Variants in ST6GALNAC5 observed in about 807,000 individuals in gnomAD.
ST6GALNAC5 encodes ST6 N-acetylgalactosaminide alpha-2,6-sialyltransferase 5, also known as alpha-N-acetylgalactosaminide alpha-2,6-sialyltransferase 5.
A neutral mutation model predicts 33.6 loss-of-function variants in ST6GALNAC5; 27 were observed. That is an observed-to-expected ratio of 0.80 (90% confidence interval 0.59 to 1.11). ST6GALNAC5 has a LOEUF of 1.11. Ranked by LOEUF, ST6GALNAC5 falls within the 50% of genes least tolerant of loss-of-function variation. ST6GALNAC5 has a pLI of 0.00. For synonymous variants in ST6GALNAC5, 194 were observed against 171.2 expected, an observed-to-expected ratio of 1.13 and a Z score of -1.04; for missense variants, 428 against 454.0, an observed-to-expected ratio of 0.94 and a Z score of 0.52.
chr1:77,018,903 G>A (rs1650950491), intron 2 of ST6GALNAC5, among the ~76,000 whole-genome samples: 1 of 152,194 alleles, frequency 6.6e-6, no homozygotes, highest in African/African-American at 2.4e-5. Flanking sequence ...AAGCAAGGAA[G>A]CCACTTAACA....
chr1:76,992,256 A>G (rs1307407090), intron 2 of ST6GALNAC5, among the ~76,000 whole-genome samples: 1 of 152,086 alleles, frequency 6.6e-6, no homozygotes, highest in Non-Finnish European at 1.5e-5. Context: ...TGCTCTAACT[A>G]TCTCCACTGC....
intron 2 of ST6GALNAC5, among the ~76,000 whole-genome samples, chr1:77,010,328 C>G (rs1475699244): frequency 6.6e-6 from 1 of 152,062 alleles, no homozygotes; most frequent in Non-Finnish European, 1.5e-5. Context: ...AACCCCATCT[C>G]TACTAAAAAT....
At chr1:76,950,556 G>A (rs1382811848) in intron 2 of ST6GALNAC5, among the ~76,000 whole-genome samples, 2 of 152,052 alleles carry the variant, frequency 1.3e-5, no homozygotes, top group African/African-American at 4.8e-5. Flanking sequence ...TGCCCTCAAG[G>A]AGATGATAGT....
intron 2 of ST6GALNAC5, among the ~76,000 whole-genome samples, chr1:76,936,953 G>GGTGTGTGTGTGT (rs34309736): frequency 1.6e-4 from 23 of 140,036 alleles, no homozygotes; most frequent in African/African-American, 5.8e-4. Flanking sequence ...AGAGAAGCAG[G>GGTGTGTGTGTGT]GTGTGTGTGT....
intron 2 of ST6GALNAC5, among the ~76,000 whole-genome samples, chr1:76,921,364 T>A (rs910431483): frequency 6.6e-6 from 1 of 151,798 alleles, no homozygotes; most frequent in African/African-American, 2.4e-5. Flanking sequence ...CAAAGAAAAG[T>A]AAGAAATACA....
intron 2 of ST6GALNAC5, among the ~76,000 whole-genome samples, chr1:76,953,464 C>A (rs1011894679): frequency 6.6e-6 from 1 of 152,070 alleles, no homozygotes; most frequent in African/African-American, 2.4e-5. Context: ...TATTTGCCAC[C>A]TGTATCACCT....
At chr1:77,025,785 C>CCAGGGAGGGG (rs1651208237) in intron 2 of ST6GALNAC5, among the ~76,000 whole-genome samples, 1 of 152,176 alleles carries the variant, frequency 6.6e-6, no homozygotes, top group African/African-American at 2.4e-5. Context: ...CTCCCTCCCT[C>CCAGGGAGGGG]CTGCTGCCCC....
In ST6GALNAC5 at chr1:76,953,268, T is replaced by A. The variant is rs181427804; in HGVS notation, c.261+84526T>A. Among the ~76,000 whole-genome samples the A allele has an allele frequency of 2.4e-3, 366 of 152,148 alleles. 3 individuals carry two copies. The highest frequency in any genetic ancestry group is 8.3e-3 in the African/African-American group (345 of 41,524). On this transcript the variant is annotated intron_variant, in intron 2 of 4. Transcript: ENST00000477717. ...GAAACTTCCAAACTATTTTCCAGAGTGCCTGTATTATTTTCCTTTCCCACC... is the reference window on the plus strand; with the variant it reads ...GAAACTTCCAAACTATTTTCCAGAGAGCCTGTATTATTTTCCTTTCCCACC...
At chr1:76,964,471 C>T (rs1648374584) in intron 2 of ST6GALNAC5, among the ~76,000 whole-genome samples, 1 of 152,004 alleles carries the variant, frequency 6.6e-6, no homozygotes, top group Admixed American at 6.6e-5. Context: ...TCTCATGGGC[C>T]CCGAAGTTCC....
intron 2 of ST6GALNAC5, among the ~76,000 whole-genome samples, chr1:76,893,822 G>C (rs370707842): frequency 6.6e-6 from 1 of 151,956 alleles, no homozygotes; most frequent in Non-Finnish European, 1.5e-5. Context: ...CACCAAATCC[G>C]GCTAATTTTT....
intron 2 of ST6GALNAC5, among the ~76,000 whole-genome samples, chr1:76,923,684 C>T (rs1647056990): frequency 6.6e-6 from 1 of 151,938 alleles, no homozygotes; most frequent in Non-Finnish European, 1.5e-5. Flanking sequence ...GAGAGAGAAA[C>T]TCCATCTCAA....
At chr1:76,879,125 G>A (rs1159258136) in intron 2 of ST6GALNAC5, among the ~76,000 whole-genome samples, 2 of 152,122 alleles carry the variant, frequency 1.3e-5, no homozygotes, top group African/African-American at 4.8e-5. Context: ...TTGATCAAGG[G>A]TATGTCTTCT....
intron 2 of ST6GALNAC5, among the ~76,000 whole-genome samples, chr1:76,922,906 C>A (rs555338608): frequency 6.7e-6 from 1 of 149,886 alleles, no homozygotes; most frequent in Admixed American, 6.6e-5. Context: ...ACTACACTCC[C>A]GCCTAGGTGA....
intron 4 of ST6GALNAC5, among the ~76,000 whole-genome samples, chr1:77,059,037 GT>G (rs1446324525): frequency 6.6e-6 from 1 of 152,144 alleles, no homozygotes; most frequent in Admixed American, 6.5e-5. Flanking sequence ...AAAAAGCTTT[GT>G]TGTTATGATA....
chr1:77,009,622 C>T (rs1650557646), intron 2 of ST6GALNAC5, among the ~76,000 whole-genome samples: 1 of 152,078 alleles, frequency 6.6e-6, no homozygotes, highest in Non-Finnish European at 1.5e-5. Flanking sequence ...TCCTGTCCTC[C>T]CCCATGTGAC....
intron 2 of ST6GALNAC5, among the ~76,000 whole-genome samples, chr1:76,974,434 C>T (rs1414030672): frequency 6.6e-6 from 1 of 151,892 alleles, no homozygotes; most frequent in Non-Finnish European, 1.5e-5. Flanking sequence ...AACACCTGGC[C>T]TCACGCAATT....
intron 2 of ST6GALNAC5, among the ~76,000 whole-genome samples, chr1:76,969,217 T>C (rs1279887055): frequency 6.6e-6 from 1 of 152,164 alleles, no homozygotes; most frequent in Non-Finnish European, 1.5e-5. Flanking sequence ...GGGTGGTGCA[T>C]TGTCTGAACC....
intron 2 of ST6GALNAC5, among the ~76,000 whole-genome samples, chr1:76,909,747 T>G (rs1055442286): frequency 4.6e-5 from 7 of 152,178 alleles, no homozygotes; most frequent in Non-Finnish European, 1.0e-4. Context: ...GTCTTATGAA[T>G]ATTTACTAAA....
chr1:76,983,845 G>A (rs1029027388), intron 2 of ST6GALNAC5, among the ~76,000 whole-genome samples: 3 of 152,162 alleles, frequency 2.0e-5, no homozygotes, highest in Non-Finnish European at 2.9e-5. Context: ...TTAGAACTCA[G>A]GATTAAGAAA....
Sources: allele counts gnomAD v4.1 joint callset (sites outside exome capture counted in the v4.1 genomes callset), GRCh38; gene constraint gnomAD v4.1.1; transcripts MANE v1.5; gene names NCBI Gene and HGNC (gene_info 2026-07-23, HGNC 2026-07-21).